Variants in AGPAT4 observed in about 807,000 individuals in gnomAD.
AGPAT4 encodes the protein 1-acyl-sn-glycerol-3-phosphate acyltransferase delta.
AGPAT4 carries 15 observed loss-of-function variants against 48.0 expected under a neutral mutation model. The ratio of observed to expected loss-of-function variants is 0.31; its 90% CI spans 0.21 to 0.48. The LOEUF (loss-of-function observed/expected upper bound fraction) is 0.48, where lower values mean the gene tolerates loss of function less well. Among genes scored for constraint, AGPAT4 ranks in the 20% least tolerant of loss-of-function variants. The probability of loss-of-function intolerance (pLI) is 0.99; values close to 1 mark genes in which losing one functional copy is unlikely to be tolerated. For synonymous variants in AGPAT4, 178 were observed against 198.7 expected, an observed-to-expected ratio of 0.90 and a Z score of 0.88; for missense variants, 314 against 482.5, an observed-to-expected ratio of 0.65 and a Z score of 3.27.
chr6:161,250,684 C>A (rs1195873571), intron 1 of AGPAT4, among the ~76,000 whole-genome samples: 1 of 151,998 alleles, frequency 6.6e-6, no homozygotes, highest in African/African-American at 2.4e-5. Context: ...TGAATATTGA[C>A]AAATTGCTTG....
intron 3 of AGPAT4, among the ~76,000 whole-genome samples, chr6:161,163,201 C>T (rs1048790885): frequency 1.3e-5 from 2 of 152,250 alleles, no homozygotes; most frequent in Non-Finnish European, 2.9e-5. Context: ...AAAAATGCCA[C>T]CTTCGTGAAT....
chr6:161,224,337 T>C (rs544437222), intron 2 of AGPAT4, among the ~76,000 whole-genome samples: 1 of 152,086 alleles, frequency 6.6e-6, no homozygotes, highest in Non-Finnish European at 1.5e-5. Flanking sequence ...GAGATTATGA[T>C]AAGATCTTTA....
chr6:161,225,987 A>C lies in AGPAT4; in HGVS notation c.178+6049T>G, dbSNP rs982156524. On this transcript the variant is annotated intron_variant, in intron 2 of 8. Coordinates refer to ENST00000320285, the MANE Select transcript of AGPAT4 (RefSeq NM_020133.3). The surrounding 1 kb of genome is among the most constrained non-coding windows in gnomAD (Gnocchi z 5.0). ...AGCCACTGTTGTTCAGCTACTCTGAAGGGAGAGATGATCAGTTTTAGGATC... is the reference window on the plus strand; with the variant it reads ...AGCCACTGTTGTTCAGCTACTCTGACGGGAGAGATGATCAGTTTTAGGATC... Among the ~76,000 whole-genome samples, 4 of 152,186 alleles carry C rather than the reference A, an allele frequency of 2.6e-5. No individual in the cohort carries two copies. The highest frequency in any genetic ancestry group is 4.8e-5 in the African/African-American group (2 of 41,446).
At position 161,140,513 on chromosome 6, in the gene AGPAT4, A is replaced by G. The variant is rs1379604678; in HGVS notation, c.844-893T>C. On this transcript the variant is annotated intron_variant, in intron 7 of 8. Transcript: ENST00000320285. This position sits in a 1 kb window ranked among gnomAD's most constrained non-coding sequence, Gnocchi z 6.5. ...CCCCACATAAATGCACTGCGAAAGA[A>G]CGCGGTGGCTCTTCCCTGGGTGTCT... Among the ~76,000 whole-genome samples the G allele has an allele frequency of 6.6e-6, 1 of 152,226 alleles. No homozygotes were observed. The highest frequency in any genetic ancestry group is 6.5e-5 in the Admixed American group (1 of 15,286).
At position 161,246,622 on chromosome 6, in the gene AGPAT4, T is replaced by C. The variant is rs1214168673; in HGVS notation, c.-89-14320A>G. Among the ~76,000 whole-genome samples, 1 of 152,166 alleles carries C rather than the reference T, an allele frequency of 6.6e-6. No homozygotes were observed. The highest frequency in any genetic ancestry group is 2.4e-5 in the African/African-American group (1 of 41,444). On this transcript the variant is annotated intron_variant, in intron 1 of 8. Coordinates refer to ENST00000320285, the MANE Select transcript of AGPAT4 (RefSeq NM_020133.3). The surrounding 1 kb of genome is among the most constrained non-coding windows in gnomAD (Gnocchi z 5.5). The stretch of plus-strand genomic sequence containing the variant: ...TGGGGTTTCTCCATGTTGGTCAGGC[T>C]GGTCTCGAACTCCCAATCTCAGGTG...
chr6:161,160,055 A>G (rs1779880505), intron 3 of AGPAT4: 1 of 149,726 alleles, frequency 6.7e-6, no homozygotes, highest in African/African-American at 2.5e-5. Flanking sequence ...CTCCCACCTC[A>G]GCCTGTGGAG....
At chr6:161,145,141 C>T (rs1339379241) in intron 7 of AGPAT4, among the ~76,000 whole-genome samples, 1 of 151,612 alleles carries the variant, frequency 6.6e-6, no homozygotes, top group Non-Finnish European at 1.5e-5. Context: ...CGGTGCAGAA[C>T]CTCGATAACT....
chr6:161,251,718 G>A lies in AGPAT4; in HGVS notation c.-89-19416C>T, dbSNP rs747272697. ...CAGGTGGATGCCAAGCCCACTTCCC[G>A]GGCCTTACGTTTCCCATTCAAACAT... is the stretch of plus-strand genomic sequence containing the variant. On this transcript the variant is annotated intron_variant, in intron 1 of 8. Transcript: ENST00000320285. This position sits in a 1 kb window ranked among gnomAD's most constrained non-coding sequence, Gnocchi z 4.6. Among the ~76,000 whole-genome samples the A allele has an allele frequency of 7.2e-5, 11 of 152,154 alleles. No individual in the cohort carries two copies. Among genetic ancestry groups the A allele is most frequent in the Non-Finnish European group, 1.6e-4 (11 of 68,026 alleles).
At chr6:161,163,218 A>C (rs1779986952) in intron 3 of AGPAT4, among the ~76,000 whole-genome samples, 1 of 152,274 alleles carries the variant, frequency 6.6e-6, no homozygotes, top group Non-Finnish European at 1.5e-5. Context: ...GAATTTCTGC[A>C]AATTTCATTG....
chr6:161,261,227 A>G lies in AGPAT4; in HGVS notation c.-90+12711T>C, dbSNP rs1783091360. 6.6e-6 allele frequency among the ~76,000 whole-genome samples: 1 copy of G among 152,184 alleles called. No homozygotes were observed. Among genetic ancestry groups the G allele is most frequent in the Non-Finnish European group, 1.5e-5 (1 of 68,044 alleles). On this transcript the variant is annotated intron_variant, in intron 1 of 8. Transcript: ENST00000320285. The surrounding 1 kb of genome is among the most constrained non-coding windows in gnomAD (Gnocchi z 5.3). ...TCTCATGGCCCCTTCTCTATTAGCC[A>G]TGAAGCTCACTGTCACAGAATGTGG...
At position 161,159,708 on chromosome 6, in the gene AGPAT4, A is replaced by G. The variant is rs1779868093; in HGVS notation, c.349-5398T>C. Among the ~76,000 whole-genome samples the G allele has an allele frequency of 6.6e-6, 1 of 152,128 alleles. No homozygotes were observed. The highest frequency in any genetic ancestry group is 6.5e-5 in the Admixed American group (1 of 15,280). On this transcript the variant is annotated intron_variant, in intron 3 of 8. Coordinates refer to ENST00000320285, the MANE Select transcript of AGPAT4 (RefSeq NM_020133.3). The surrounding 1 kb of genome is among the most constrained non-coding windows in gnomAD (Gnocchi z 4.1). ...GCCCAGGCTGGAGTGCAGTGGCACA[A>G]TCTCAGCTCACTGCAATCTCTGCCT... is the stretch of plus-strand genomic sequence containing the variant.
intron 2 of AGPAT4, among the ~76,000 whole-genome samples, chr6:161,175,454 C>T (rs1443403292): frequency 6.6e-6 from 1 of 152,146 alleles, no homozygotes; most frequent in Non-Finnish European, 1.5e-5. Flanking sequence ...TTATAGTATG[C>T]TCTGATAGTA....
rs1779825323 is a variant in AGPAT4 at position 161,158,498 on chromosome 6, AAG to A, written c.349-4190_349-4189del. Among the ~76,000 whole-genome samples, 1 of 152,180 alleles carries A rather than the reference AAG, an allele frequency of 6.6e-6. No individual in the cohort carries two copies. The highest frequency in any genetic ancestry group is 1.5e-5 in the Non-Finnish European group (1 of 68,038). On this transcript the variant is annotated intron_variant, in intron 3 of 8. Coordinates refer to ENST00000320285, the MANE Select transcript of AGPAT4 (RefSeq NM_020133.3). The surrounding 1 kb of genome is among the most constrained non-coding windows in gnomAD (Gnocchi z 5.3). ...AAACCACTATGGAGAGAGAGAGTGA[AAG>A]AGAGAGTTGTCTTAGGGCAGGTGCT...
Position 161,154,133 on chromosome 6 carries a change from T to A in AGPAT4, c.510+16A>T, listed in dbSNP as rs2277092. The A allele has an allele frequency of 1.1e-5, 18 of 1,613,848 alleles. No homozygotes were observed. Among genetic ancestry groups the A allele is most frequent in the Non-Finnish European group, 1.4e-5 (17 of 1,179,956 alleles). ...GCAGGAGCCCTTGGGACACAGCTGC[T>A]CTGGTGCCTACATACAAAATACTTC... On this transcript the variant is annotated intron_variant, in intron 4 of 8. Transcript: ENST00000320285. This position sits in a 1 kb window ranked among gnomAD's most constrained non-coding sequence, Gnocchi z 7.8.
At position 161,246,065 on chromosome 6, in the gene AGPAT4, G is replaced by T. The variant is rs1320284241; in HGVS notation, c.-89-13763C>A. Among the ~76,000 whole-genome samples the T allele has an allele frequency of 3.9e-5, 6 of 152,188 alleles. No homozygotes were observed. Reference sequence around the variant, plus strand: ...ACTGAAGTACTTGGATATGAAGGATGCCTTTGAGGGCATTACAGACTGGCT... The same window carrying T: ...ACTGAAGTACTTGGATATGAAGGATTCCTTTGAGGGCATTACAGACTGGCT... On this transcript the variant is annotated intron_variant, in intron 1 of 8. Transcript: ENST00000320285. This position sits in a 1 kb window ranked among gnomAD's most constrained non-coding sequence, Gnocchi z 5.5.
intron 2 of AGPAT4, among the ~76,000 whole-genome samples, chr6:161,199,814 C>A (rs1026642252): frequency 2.0e-5 from 3 of 152,210 alleles, no homozygotes; most frequent in Non-Finnish European, 4.4e-5. Context: ...TTTCCTGAGG[C>A]CTCCCCAGCC....
In AGPAT4 at chr6:161,139,104, T is replaced by C. The variant is rs1779167746; in HGVS notation, c.1042+318A>G. The stretch of plus-strand genomic sequence containing the variant: ...AGGAAATGATGCCAATGAGCAGAGC[T>C]GTCTGCGGAGGACAGGGAGGGAGCA... On this transcript the variant is annotated intron_variant, in intron 8 of 8. Transcript: ENST00000320285. This position sits in a 1 kb window ranked among gnomAD's most constrained non-coding sequence, Gnocchi z 9.1. 6.6e-6 allele frequency among the ~76,000 whole-genome samples: 1 copy of C among 152,204 alleles called. No homozygotes were observed. Among genetic ancestry groups the C allele is most frequent in the Admixed American group, 6.5e-5 (1 of 15,284 alleles).
chr6:161,267,393 G>T lies in AGPAT4; in HGVS notation c.-90+6545C>A, dbSNP rs564005056. ...ATGAAAGGCATGCAGAGGTCTACACGGTAGAGATTTGTTCATTATTTGAAA... is the reference window on the plus strand; with the variant it reads ...ATGAAAGGCATGCAGAGGTCTACACTGTAGAGATTTGTTCATTATTTGAAA... On this transcript the variant is annotated intron_variant, in intron 1 of 8. Transcript: ENST00000320285. The surrounding 1 kb of genome is among the most constrained non-coding windows in gnomAD (Gnocchi z 5.2). Among the ~76,000 whole-genome samples, 1 of 152,082 alleles carries T rather than the reference G, an allele frequency of 6.6e-6. No individual in the cohort carries two copies. Among genetic ancestry groups the T allele is most frequent in the Admixed American group, 6.6e-5 (1 of 15,266 alleles).
Position 161,232,580 on chromosome 6 carries a change from G to A in AGPAT4, c.-89-278C>T, listed in dbSNP as rs561045453. On this transcript the variant is annotated intron_variant, in intron 1 of 8. Transcript: ENST00000320285. The surrounding 1 kb of genome is among the most constrained non-coding windows in gnomAD (Gnocchi z 6.8). ...TGAGTCCTGGAAGGTGGAGCCACTC[G>A]GCCAGGGTTCACCGCTCCCCAGCTG... 3.1e-3 allele frequency among the ~76,000 whole-genome samples: 477 copies of A among 152,224 alleles called. No individual in the cohort carries two copies. The highest frequency in any genetic ancestry group is 5.2e-3 in the Non-Finnish European group (352 of 68,012).
Sources: allele counts gnomAD v4.1 joint callset (sites outside exome capture counted in the v4.1 genomes callset), GRCh38; gene constraint gnomAD v4.1.1; non-coding constraint Gnocchi (gnomAD v3.1); transcripts MANE v1.5; gene names NCBI Gene and HGNC (gene_info 2026-07-23, HGNC 2026-07-21).